The following TASP1 variants were observed in gnomAD, a reference collection of about 807,000 sequenced individuals.
TASP1 encodes the protein threonine aspartase 1.
In TASP1, 16 loss-of-function variants were observed where a neutral mutation model predicts 56.6. The observed-to-expected ratio is 0.28, with a 90% CI of 0.19 to 0.43. The LOEUF (loss-of-function observed/expected upper bound fraction) is 0.43, where lower values mean the gene tolerates loss of function less well. Ranked by LOEUF, TASP1 falls within the 20% of genes least tolerant of loss-of-function variation. The pLI is 1.00. For missense variants in TASP1, 393 were observed against 511.6 expected, an observed-to-expected ratio of 0.77 and a Z score of 2.24; for synonymous variants, 179 against 184.2, an observed-to-expected ratio of 0.97 and a Z score of 0.23.
the TASP1 span, among the ~76,000 whole-genome samples, chr20:13,111,345 G>A: frequency 1.3e-5 from 2 of 152,142 alleles, no homozygotes; most frequent in Non-Finnish European, 2.9e-5. Flanking sequence ...TCCAGGGTGA[G>A]CTTGTCCTTG....
the TASP1 span, among the ~76,000 whole-genome samples, chr20:13,130,356 C>T: frequency 1.3e-5 from 2 of 152,226 alleles, no homozygotes; most frequent in African/African-American, 4.8e-5. Context: ...CTTCAGCCCA[C>T]TCCACTACAA....
At chr20:13,581,337 A>G (rs1010039268) in intron 5 of TASP1, among the ~76,000 whole-genome samples, 1 of 152,236 alleles carries the variant, frequency 6.6e-6, no homozygotes, top group Non-Finnish European at 1.5e-5. Context: ...CTATCTTACT[A>G]TCAAAACTAT....
the TASP1 span, among the ~76,000 whole-genome samples, chr20:13,265,528 T>A: frequency 6.2e-4 from 95 of 152,158 alleles, no homozygotes; most frequent in Non-Finnish European, 8.4e-4. Context: ...GAGTACCCTG[T>A]TAATCATCGA....
the TASP1 span, among the ~76,000 whole-genome samples, chr20:13,317,053 A>G: frequency 6.6e-6 from 1 of 151,958 alleles, no homozygotes; most frequent in Non-Finnish European, 1.5e-5. Flanking sequence ...CAAAACAATC[A>G]ACAAAAAATC....
chr20:13,406,833 AT>A (rs33953124), intron 13 of TASP1, among the ~76,000 whole-genome samples: 2,514 of 151,696 alleles, frequency 0.017, 71 homozygotes, highest in African/African-American at 0.056. Flanking sequence ...TGCCTGGCTA[AT>A]TTTTTGTATT....
intron 4 of TASP1, among the ~76,000 whole-genome samples, chr20:13,604,640 C>T (rs755710337): frequency 1.3e-5 from 2 of 152,180 alleles, no homozygotes; most frequent in Non-Finnish European, 2.9e-5. Context: ...TGAATAAAGT[C>T]TGCCTTACCA....
At chr20:13,247,962 C>G in the TASP1 span, among the ~76,000 whole-genome samples, 1 of 152,158 alleles carries the variant, frequency 6.6e-6, no homozygotes, top group South Asian at 2.1e-4. Flanking sequence ...GGGTCTGATA[C>G]AGAGGAAAGT....
chr20:13,374,041 G>C, the TASP1 span, among the ~76,000 whole-genome samples: 1 of 152,022 alleles, frequency 6.6e-6, no homozygotes, highest in Non-Finnish European at 1.5e-5. Flanking sequence ...CTTTAATAAA[G>C]TTGTTTAGTT....
chr20:13,296,834 G>A, the TASP1 span, among the ~76,000 whole-genome samples: 25 of 152,170 alleles, frequency 1.6e-4, no homozygotes, highest in Non-Finnish European at 2.2e-4. Context: ...CCTGGCCAAT[G>A]TGGTGAAACC....
At chr20:13,430,240 T>A (rs115432753) in intron 12 of TASP1, among the ~76,000 whole-genome samples, 1,720 of 152,318 alleles carry the variant, frequency 0.011, 33 homozygotes, top group African/African-American at 0.039. Context: ...ATTAGTTATC[T>A]ACTGCTACGT....
chr20:13,269,541 G>C, the TASP1 span, among the ~76,000 whole-genome samples: 1 of 152,156 alleles, frequency 6.6e-6, no homozygotes, highest in Non-Finnish European at 1.5e-5. Context: ...TGGCCATTCT[G>C]TTTCTCAAAC....
At chr20:13,208,801 C>T in the TASP1 span, among the ~76,000 whole-genome samples, 1 of 152,222 alleles carries the variant, frequency 6.6e-6, no homozygotes, top group Non-Finnish European at 1.5e-5. Flanking sequence ...GGCCACAGGC[C>T]TCCTCACACA....
chr20:13,206,620 C>T, the TASP1 span, among the ~76,000 whole-genome samples: 5 of 152,168 alleles, frequency 3.3e-5, no homozygotes, highest in East Asian at 1.9e-4. Flanking sequence ...AGATTCCTTC[C>T]GTCTATTGAG....
intron 7 of TASP1, among the ~76,000 whole-genome samples, chr20:13,563,523 G>A (rs2046418673): frequency 6.6e-6 from 1 of 151,994 alleles, no homozygotes; most frequent in Admixed American, 6.6e-5. Flanking sequence ...ACAAAATACT[G>A]CCAAACCAAA....
Position 13,598,682 on chromosome 20 carries a change from T to C in TASP1, c.283-11312A>G, listed in dbSNP as rs2047837471. ...GGCAACAAAAGCCAAAATAGACAAA[T>C]GGGATCTAATTAAACTAAAGAGCTT... On this transcript the variant is annotated intron_variant, in intron 4 of 13. Coordinates refer to ENST00000337743, the MANE Select transcript of TASP1 (RefSeq NM_017714.3). Among the ~76,000 whole-genome samples, 4 of 152,034 alleles carry C rather than the reference T, an allele frequency of 2.6e-5. No homozygotes were observed. The South Asian group carries it at 8.3e-4, about 32-fold the overall frequency.
chr20:13,623,578 T>C (rs1169948771), intron 3 of TASP1, 64 bp from the exon 4 acceptor site: 16 of 1,216,450 alleles, frequency 1.3e-5, no homozygotes, highest in Non-Finnish European at 1.9e-5. Flanking sequence ...TTCCAAAAGC[T>C]TAAAGAAGTA....
the TASP1 span, among the ~76,000 whole-genome samples, chr20:13,277,710 G>A: frequency 6.6e-6 from 1 of 150,980 alleles, no homozygotes. Context: ...TGCAAAGGGT[G>A]CCTACAAGAC....
At chr20:13,521,687 C>G (rs2044763524) in intron 10 of TASP1, among the ~76,000 whole-genome samples, 1 of 151,492 alleles carries the variant, frequency 6.6e-6, no homozygotes, top group South Asian at 2.1e-4. Flanking sequence ...TGTTAAATGA[C>G]GAGTTAATGG....
At chr20:13,397,928 A>G (rs2041601644) in intron 13 of TASP1, among the ~76,000 whole-genome samples, 1 of 152,156 alleles carries the variant, frequency 6.6e-6, no homozygotes, top group South Asian at 2.1e-4. Context: ...AGACAGCCCA[A>G]GGGAACTGTC....
Sources: gnomAD v4.1 joint callset for allele counts (sites outside exome capture counted in the v4.1 genomes callset) on GRCh38, gnomAD v4.1.1 for gene constraint, MANE v1.5 for transcripts, NCBI Gene and HGNC (gene_info 2026-07-23, HGNC 2026-07-21) for gene names.